MACROD2: variants seen among roughly 807,000 people sequenced by gnomAD.
MACROD2 encodes ADP-ribose glycohydrolase MACROD2.
MACROD2 carries 36 observed loss-of-function variants against 70.4 expected under a neutral mutation model. The observed-to-expected ratio is 0.51, with a 90% confidence interval of 0.39 to 0.68. The LOEUF is 0.68. MACROD2 is among the 30% of genes least tolerant of loss of function. The pLI, the probability that MACROD2 is intolerant of heterozygous loss-of-function variation, is 0.00. For synonymous variants in MACROD2, 172 were observed against 178.8 expected (o/e 0.96, Z 0.30); for missense variants, 496 against 538.4 (o/e 0.92, Z 0.78).
At chr20:14,330,274 G>A (rs977285700) in intron 3 of MACROD2, among the ~76,000 whole-genome samples, 5 of 152,016 alleles carry the variant, frequency 3.3e-5, no homozygotes, top group African/African-American at 1.2e-4. Flanking sequence ...TATGCACGAA[G>A]ATTTTTTGAG....
intron 5 of MACROD2, among the ~76,000 whole-genome samples, chr20:14,777,533 A>G (rs1187293096): frequency 6.6e-6 from 1 of 152,010 alleles, no homozygotes; most frequent in Non-Finnish European, 1.5e-5. Flanking sequence ...TTATTTTTCT[A>G]ATGTTTGCTT....
intron 5 of MACROD2, among the ~76,000 whole-genome samples, chr20:14,798,765 A>T (rs1322125350): frequency 6.6e-6 from 1 of 152,054 alleles, no homozygotes; most frequent in East Asian, 1.9e-4. Context: ...AGAAAAGGTA[A>T]CTCTGTCACC....
At chr20:15,256,114 C>T (rs114604417) in intron 6 of MACROD2, among the ~76,000 whole-genome samples, 2,640 of 152,200 alleles carry the variant, frequency 0.017, 78 homozygotes, top group African/African-American at 0.06. Flanking sequence ...CACTGGGAAT[C>T]TTGAATTTAT....
intron 3 of MACROD2, among the ~76,000 whole-genome samples, chr20:14,121,894 T>G (rs1442876144): frequency 6.6e-6 from 1 of 152,198 alleles, no homozygotes; most frequent in East Asian, 1.9e-4. Context: ...ATACCTCTTT[T>G]ATATTGAAGT....
intron 3 of MACROD2, among the ~76,000 whole-genome samples, chr20:14,389,231 A>G (rs1427485468): frequency 1.3e-5 from 2 of 151,554 alleles, no homozygotes; most frequent in Non-Finnish European, 2.9e-5. Flanking sequence ...AGACCAGCGT[A>G]GCCAACAGGC....
chr20:14,019,888 A>G lies in MACROD2; in HGVS notation c.163+17484A>G, dbSNP rs183423751. The stretch of plus-strand genomic sequence containing the variant: ...GGCTGGTAATTGTTTAACTATACCT[A>G]CATCTTAGCAGAATTCATGCCTCTG... On this transcript the variant is annotated intron_variant, in intron 2 of 17. Transcript: ENST00000684519. Among the ~76,000 whole-genome samples, 8 of 152,316 alleles carry G rather than the reference A, an allele frequency of 5.3e-5. No individual in the cohort carries two copies. The East Asian group carries it at 1.4e-3, about 26-fold the overall frequency.
intron 2 of MACROD2, chr20:14,051,668 T>C: frequency 2.9e-6 from 1 of 340,662 alleles, no homozygotes; most frequent in Non-Finnish European, 5.7e-6. Context: ...AGCATATAAA[T>C]AAAATAATGA....
intron 4 of MACROD2, among the ~76,000 whole-genome samples, chr20:14,605,845 T>G (rs1280783030): frequency 6.6e-6 from 1 of 152,150 alleles, no homozygotes; most frequent in Non-Finnish European, 1.5e-5. Context: ...AAAAAATGGT[T>G]AGGCTTTTAA....
At chr20:14,180,541 A>G (rs2148730812) in intron 3 of MACROD2, among the ~76,000 whole-genome samples, 1 of 152,232 alleles carries the variant, frequency 6.6e-6, no homozygotes, top group African/African-American at 2.4e-5. Flanking sequence ...AACTTATACG[A>G]ATTTTTTAAA....
chr20:14,862,018 T>C (rs927099264), intron 5 of MACROD2, among the ~76,000 whole-genome samples: 2 of 25,010 alleles, frequency 8.0e-5, no homozygotes, highest in Non-Finnish European at 1.3e-4. Context: ...TATATATATA[T>C]TTATATATAT....
At chr20:15,365,331 C>T (rs1367471508) in intron 6 of MACROD2, among the ~76,000 whole-genome samples, 1 of 152,054 alleles carries the variant, frequency 6.6e-6, no homozygotes, top group African/African-American at 2.4e-5. Context: ...AACTTGGAGC[C>T]TCTCTATCCA....
chr20:14,628,549 G>A (rs1984320302), intron 4 of MACROD2: 1 of 152,166 alleles, frequency 6.6e-6, no homozygotes, highest in Non-Finnish European at 1.5e-5. Context: ...GAGGGTGAAG[G>A]TAATGGTGGT....
At chr20:14,158,857 T>C (rs2055142662) in intron 3 of MACROD2, among the ~76,000 whole-genome samples, 1 of 152,228 alleles carries the variant, frequency 6.6e-6, no homozygotes, top group South Asian at 2.1e-4. Context: ...CCTCCAGCTT[T>C]GTCGTTTTTG....
chr20:15,918,872 T>C (rs1261542756), intron 10 of MACROD2, among the ~76,000 whole-genome samples: 2 of 152,156 alleles, frequency 1.3e-5, no homozygotes, highest in African/African-American at 4.8e-5. Flanking sequence ...CTCTGCATAT[T>C]AAATGACTGA....
intron 7 of MACROD2, among the ~76,000 whole-genome samples, chr20:15,448,586 A>C (rs2146388920): frequency 6.6e-6 from 1 of 152,272 alleles, no homozygotes; most frequent in African/African-American, 2.4e-5. Context: ...TGTTAAATAA[A>C]TGCATACATG....
At position 15,967,611 on chromosome 20, in the gene MACROD2, T is replaced by G; in HGVS notation, c.966T>G (p.Arg322=). The G allele has an allele frequency of 1.2e-6, 2 of 1,607,490 alleles. No individual in the cohort carries two copies. Among genetic ancestry groups the G allele is most frequent in the South Asian group, 2.2e-5 (2 of 90,158 alleles). ...KGGEVTDHSV[R]DQDHPDGQEN... ...GTGAAGTGACAGATCATTCTGTGCG[T>G]GACCAAGATCATCCCGATGGTAGGT... The change falls in exon 13 of 18, where the codon CGT becomes CGG. Residue 322 remains arginine, a synonymous_variant. Coordinates refer to ENST00000684519, the MANE Select transcript of MACROD2 (RefSeq NM_001351661.2).
At chr20:15,821,715 A>C (rs1364984045) in intron 8 of MACROD2, among the ~76,000 whole-genome samples, 2 of 152,178 alleles carry the variant, frequency 1.3e-5, no homozygotes, top group African/African-American at 2.4e-5. Flanking sequence ...AACTATTTAC[A>C]TTGTATTAGG....
chr20:15,163,418 CTA>C (rs1237398443), intron 5 of MACROD2, among the ~76,000 whole-genome samples: 1 of 151,922 alleles, frequency 6.6e-6, no homozygotes, highest in Non-Finnish European at 1.5e-5. Flanking sequence ...ATGAACAAGT[CTA>C]TAATTTTAGT....
chr20:14,048,156 A>C (rs1247375215), intron 2 of MACROD2, among the ~76,000 whole-genome samples: 2 of 152,194 alleles, frequency 1.3e-5, no homozygotes, highest in African/African-American at 4.8e-5. Context: ...GATAATGATT[A>C]TTGCCAAAGA....
Sources: allele counts gnomAD v4.1 joint callset (sites outside exome capture counted in the v4.1 genomes callset), GRCh38; gene constraint gnomAD v4.1.1; transcripts MANE v1.5; gene names NCBI Gene and HGNC (gene_info 2026-07-23, HGNC 2026-07-21).